The following LMO7 variants were observed in gnomAD, a reference collection of about 807,000 sequenced individuals.
LMO7 encodes LIM domain 7.
Under a neutral mutation model 206.5 loss-of-function variants are expected in LMO7, and 120 were observed. The observed-to-expected ratio is 0.58, with a 90% CI of 0.50 to 0.68. The LOEUF is 0.68. Among genes scored for constraint, LMO7 ranks in the 30% least tolerant of loss-of-function variants. The probability of loss-of-function intolerance (pLI) is 0.00; values close to 1 mark genes in which losing one functional copy is unlikely to be tolerated. For synonymous variants in LMO7, 706 were observed against 681.5 expected (o/e 1.04, Z -0.56); for missense variants, 1,959 against 1,957.9 (o/e 1.00, Z -0.01).
chr13:75,831,778 T>C (rs1295630613), intron 15 of LMO7, among the ~76,000 whole-genome samples: 1 of 152,008 alleles, frequency 6.6e-6, no homozygotes, highest in East Asian at 1.9e-4. Flanking sequence ...TGAGGGCAGA[T>C]CCTCATGACC....
intron 12 of LMO7, 123 bp downstream of exon 12, chr13:75,817,401 G>C: frequency 1.8e-6 from 1 of 549,720 alleles, no homozygotes; most frequent in Non-Finnish European, 3.2e-6. Flanking sequence ...TGTATAAAAT[G>C]TGACCAACTT....
At chr13:75,781,829 T>A (rs2051495896) in intron 4 of LMO7, among the ~76,000 whole-genome samples, 1 of 152,238 alleles carries the variant, frequency 6.6e-6, no homozygotes, top group Non-Finnish European at 1.5e-5. Flanking sequence ...CTAACTGGTG[T>A]GAGATGGTAT....
intron 1 of LMO7, among the ~76,000 whole-genome samples, chr13:75,693,372 C>T (rs1339687884): frequency 6.6e-6 from 1 of 152,162 alleles, no homozygotes; most frequent in Non-Finnish European, 1.5e-5. Context: ...GGAATATGGG[C>T]TTCATTGTGC....
chr13:75,841,814 G>T lies in LMO7; in HGVS notation c.3862G>T (p.Asp1288Tyr), dbSNP rs1430399070. ...TGAGGACCAAGGAAAGAAGCCGCAGGATCAGCTTGTTATTGAGAGAGAGAG... is the reference window on the plus strand; with the variant it reads ...TGAGGACCAAGGAAAGAAGCCGCAGTATCAGCTTGTTATTGAGAGAGAGAG... The part of the protein sequence containing the change: ...VHEDQGKKPQ[D>Y]QLVIERERKW... Residue 1288 changes from aspartate (D) to tyrosine (Y), a missense_variant, in exon 24 of 31, where the codon GAT becomes TAT. Coordinates refer to ENST00000377534, the MANE Select transcript of LMO7 (RefSeq NM_001306080.2). The T allele has an allele frequency of 6.2e-7, 1 of 1,614,066 alleles. No individual in the cohort carries two copies. The highest frequency in any genetic ancestry group is 8.5e-7 in the Non-Finnish European group (1 of 1,179,986).
At chr13:75,715,629 A>G (rs1052677710) in intron 2 of LMO7, among the ~76,000 whole-genome samples, 6 of 152,244 alleles carry the variant, frequency 3.9e-5, no homozygotes, top group Non-Finnish European at 8.8e-5. Flanking sequence ...TTATTAAAAA[A>G]TCTTTCTCTA....
intron 1 of LMO7, among the ~76,000 whole-genome samples, chr13:75,686,525 C>CGTT (rs1285269843): frequency 1.0e-5 from 1 of 95,646 alleles, no homozygotes; most frequent in Non-Finnish European, 2.6e-5. Flanking sequence ...CCCTATCTTA[C>CGTT]CTTTTTTTTT....
rs187871752 is a variant in LMO7, at chr13:75,716,127, T to G, written c.140+2875T>G. On this transcript the variant is annotated intron_variant, in intron 2 of 30. Transcript: ENST00000377534. ...TAGGCATTCTCATTCATTACCACCA[T>G]TAAAGATTTTCTTAATATTTCATCC... Among the ~76,000 whole-genome samples the G allele has an allele frequency of 1.6e-3, 242 of 152,322 alleles. 1 individual carries two copies. Among genetic ancestry groups the G allele is most frequent in the African/African-American group, 5.4e-3 (225 of 41,570 alleles).
At position 75,853,115 on chromosome 13, in the gene LMO7, A is replaced by G; in HGVS notation, c.4388A>G (p.Asp1463Gly). 6.2e-7 allele frequency: 1 copy of G among 1,606,226 alleles called. No homozygotes were observed. Among genetic ancestry groups the G allele is most frequent in the Non-Finnish European group, 8.5e-7 (1 of 1,175,550 alleles). The change falls in exon 28 of 31, where the codon GAC becomes GGC. Residue 1463 changes from aspartate (D) to glycine (G), a missense_variant. Transcript: ENST00000377534. Reference protein sequence around the residue: ...MRRGESLDNLDSPRSNSWRQP... With the variant: ...MRRGESLDNLGSPRSNSWRQP... ...AGAGGCGAATCTTTAGATAACCTGG[A>G]CTCCCCCCGATCCAATTCTTGGAGA...
intron 11 of LMO7, among the ~76,000 whole-genome samples, chr13:75,816,479 G>A (rs1009571111): frequency 6.6e-6 from 1 of 152,166 alleles, no homozygotes; most frequent in Non-Finnish European, 1.5e-5. Flanking sequence ...CTGTTCATTG[G>A]TTTCTGTTGT....
At chr13:75,697,202 G>A (rs2041970436) in intron 1 of LMO7, among the ~76,000 whole-genome samples, 1 of 152,138 alleles carries the variant, frequency 6.6e-6, no homozygotes, top group Non-Finnish European at 1.5e-5. Context: ...ACGTTCTCAA[G>A]GCCAAGAAAA....
intron 2 of LMO7, among the ~76,000 whole-genome samples, chr13:75,724,359 A>G (rs1388848128): frequency 4.6e-5 from 7 of 152,092 alleles, no homozygotes; most frequent in African/African-American, 1.7e-4. Context: ...AGAGAATTCT[A>G]CCTAGGGCTA....
chr13:75,663,327 T>G (rs1468538274), intron 1 of LMO7, among the ~76,000 whole-genome samples: 2 of 148,824 alleles, frequency 1.3e-5, no homozygotes, highest in South Asian at 4.2e-4. Flanking sequence ...TGCCTCAGAT[T>G]TTTTTAAAAA....
chr13:75,797,566 G>A (rs148303773), intron 6 of LMO7, among the ~76,000 whole-genome samples: 1 of 152,168 alleles, frequency 6.6e-6, no homozygotes, highest in Non-Finnish European at 1.5e-5. Flanking sequence ...TTCTCTAATG[G>A]TTAAATGATA....
intron 1 of LMO7, among the ~76,000 whole-genome samples, chr13:75,704,554 A>C (rs1030941483): frequency 2.0e-5 from 3 of 152,214 alleles, no homozygotes; most frequent in African/African-American, 7.2e-5. Context: ...AGGGGTTTGC[A>C]CACAAATATG....
chr13:75,694,748 TTAAGA>T (rs1416936752), intron 1 of LMO7, among the ~76,000 whole-genome samples: 1 of 151,698 alleles, frequency 6.6e-6, no homozygotes, highest in Non-Finnish European at 1.5e-5. Context: ...TGGGAATGAG[TTAAGA>T]TAAGGGCACT....
intron 1 of LMO7, among the ~76,000 whole-genome samples, chr13:75,702,671 A>G (rs1221182509): frequency 1.1e-4 from 16 of 152,360 alleles, no homozygotes; most frequent in African/African-American, 3.4e-4. Context: ...CACATATGCC[A>G]TTTTGACTAC....
At chr13:75,810,861 C>T (rs543504264) in intron 11 of LMO7, among the ~76,000 whole-genome samples, 1 of 152,110 alleles carries the variant, frequency 6.6e-6, no homozygotes, top group Non-Finnish European at 1.5e-5. Context: ...AACCTAAAAC[C>T]AAAGCTTGAA....
At chr13:75,735,603 A>C (rs1184143084) in intron 3 of LMO7, among the ~76,000 whole-genome samples, 1 of 150,030 alleles carries the variant, frequency 6.7e-6, no homozygotes, top group African/African-American at 2.4e-5. Context: ...CTGGGACTAC[A>C]GGCGCGCGGC....
chr13:75,713,076 A>G (rs1594454044), intron 1 of LMO7, 106 bp from the exon 2 acceptor site: 1 of 706,348 alleles, frequency 1.4e-6, no homozygotes, highest in Non-Finnish European at 2.4e-6. Flanking sequence ...ATATATGCAA[A>G]TCCTTCAAGT....
Sources: gnomAD v4.1 joint callset for allele counts (sites outside exome capture counted in the v4.1 genomes callset) on GRCh38, gnomAD v4.1.1 for gene constraint, MANE v1.5 for transcripts, NCBI Gene and HGNC (gene_info 2026-07-23, HGNC 2026-07-21) for gene names.